Variants in TMTC1 observed in about 807,000 individuals in gnomAD.
The protein encoded by TMTC1 is transmembrane O-mannosyltransferase targeting cadherins 1.
A neutral mutation model predicts 104.8 loss-of-function variants in TMTC1; 73 were observed. The ratio of observed to expected loss-of-function variants is 0.70; its 90% CI spans 0.58 to 0.85. The LOEUF is 0.85. Ranked by LOEUF, TMTC1 falls within the 40% of genes least tolerant of loss-of-function variation. The probability of loss-of-function intolerance (pLI) is 0.00; values close to 1 mark genes in which losing one functional copy is unlikely to be tolerated. For missense variants in TMTC1, 1,035 were observed against 1,096.1 expected, an observed-to-expected ratio of 0.94 and a Z score of 0.79; for synonymous variants, 434 against 428.7, an observed-to-expected ratio of 1.01 and a Z score of -0.15.
chr12:29,506,173 G>T lies in TMTC1; in HGVS notation c.*673C>A, dbSNP rs183467999. On this transcript the variant is annotated 3_prime_UTR_variant, in exon 18 of 18. Transcript: ENST00000539277. ...AACACTTCCATAAAGAATTAGGGGT[G>T]CCCAGCTCCTTGATTTCCCCCTAGG... The T allele has an allele frequency of 6.6e-6, 1 of 152,140 alleles. No individual in the cohort carries two copies. Among genetic ancestry groups the T allele is most frequent in the Non-Finnish European group, 1.5e-5 (1 of 67,956 alleles). 9.4% of individuals were successfully genotyped at this position (152,140 alleles called of 1,614,324 possible).
At chr12:29,596,099 T>C (rs1009137423) in intron 7 of TMTC1, among the ~76,000 whole-genome samples, 2 of 152,080 alleles carry the variant, frequency 1.3e-5, no homozygotes, top group Non-Finnish European at 1.5e-5. Flanking sequence ...CTCCATCTCC[T>C]GGGTTCAAGC....
In TMTC1 at chr12:29,783,858, T is replaced by G. The variant is rs1355943027; in HGVS notation, c.-107A>C. On this transcript the variant is annotated 5_prime_UTR_variant, in exon 1 of 18. It removes an upstream start codon present in the reference 5' UTR. Transcript: ENST00000539277. The surrounding 1 kb of genome is among the most constrained non-coding windows in gnomAD (Gnocchi z 4.7). ...GTCTGCCCGGAGGGGGGCTCGGGCA[T>G]GGTGCTGCGGCAGCTGGACCCGCCG... is the stretch of plus-strand genomic sequence containing the variant. The G allele has an allele frequency of 5.9e-6, 6 of 1,014,350 alleles. No homozygotes were observed. The highest frequency in any genetic ancestry group is 7.1e-6 in the Non-Finnish European group (6 of 840,986). The allele number at this position is 1,014,350 out of a possible 1,614,324, so 62.8% of individuals were successfully genotyped here. A position where few individuals can be genotyped will look rare whatever the true frequency, so the allele number is the denominator to read the frequency against.
intron 9 of TMTC1, among the ~76,000 whole-genome samples, chr12:29,564,713 A>G (rs1317232229): frequency 6.6e-6 from 1 of 152,162 alleles, no homozygotes; most frequent in African/African-American, 2.4e-5. Context: ...TTTGACACTT[A>G]AAAGGTAGGA....
chr12:29,570,673 G>C (rs1180598960), intron 9 of TMTC1, among the ~76,000 whole-genome samples: 1 of 151,974 alleles, frequency 6.6e-6, no homozygotes, highest in Non-Finnish European at 1.5e-5. Flanking sequence ...GTGAAACCTG[G>C]TCTCTGCTAA....
At chr12:29,717,518 T>TA (rs1046895828) in intron 5 of TMTC1, among the ~76,000 whole-genome samples, 2 of 151,876 alleles carry the variant, frequency 1.3e-5, no homozygotes, top group Admixed American at 6.6e-5. Context: ...CCTCCTAACT[T>TA]AAAAAAAAGA....
At chr12:29,603,460 A>G (rs561373660) in intron 7 of TMTC1, among the ~76,000 whole-genome samples, 49 of 152,196 alleles carry the variant, frequency 3.2e-4, no homozygotes, top group Middle Eastern at 6.8e-3. Flanking sequence ...CTATTGTAAA[A>G]ATGAGAAAAT....
intron 8 of TMTC1, 87 bp downstream of exon 8, chr12:29,583,320 A>G (rs1946034537): frequency 2.3e-6 from 3 of 1,286,194 alleles, no homozygotes; most frequent in Non-Finnish European, 3.2e-6. Context: ...AAATACTGCC[A>G]GGCCCATGTT....
At chr12:29,601,199 T>C (rs1015229916) in intron 7 of TMTC1, among the ~76,000 whole-genome samples, 1 of 152,174 alleles carries the variant, frequency 6.6e-6, no homozygotes, top group Non-Finnish European at 1.5e-5. Flanking sequence ...AAGCCGGAGC[T>C]GGCATGATTC....
Position 29,505,292 on chromosome 12 carries a change from C to T in TMTC1, c.*1554G>A, listed in dbSNP as rs1193769672. On this transcript the variant is annotated 3_prime_UTR_variant, in exon 18 of 18. Coordinates refer to ENST00000539277, the MANE Select transcript of TMTC1 (RefSeq NM_001193451.2). The stretch of plus-strand genomic sequence containing the variant: ...GCGAATTATGTGAGCCTTTAGGCTA[C>T]TATGTCTGTGTGCTACCTGGCTCAG... 2 of 152,184 alleles carry T rather than the reference C, an allele frequency of 1.3e-5. No individual in the cohort carries two copies. The highest frequency in any genetic ancestry group is 2.9e-5 in the Non-Finnish European group (2 of 68,042). 9.4% of individuals were successfully genotyped at this position (152,184 alleles called of 1,614,324 possible). A position where few individuals can be genotyped will look rare whatever the true frequency, so the allele number is the denominator to read the frequency against.
intron 5 of TMTC1, among the ~76,000 whole-genome samples, chr12:29,712,590 A>G (rs1287499421): frequency 6.6e-6 from 1 of 152,248 alleles, no homozygotes; most frequent in African/African-American, 2.4e-5. Context: ...ATTTTAAAGA[A>G]TATTTTTGAA....
At chr12:29,710,699 A>G (rs1009545191) in intron 5 of TMTC1, among the ~76,000 whole-genome samples, 1 of 137,920 alleles carries the variant, frequency 7.3e-6, no homozygotes, top group African/African-American at 2.7e-5. Flanking sequence ...TTATATATTT[A>G]TAAATATGTA....
chr12:29,736,698 G>T (rs946680456), intron 5 of TMTC1, among the ~76,000 whole-genome samples: 1 of 152,162 alleles, frequency 6.6e-6, no homozygotes, highest in Non-Finnish European at 1.5e-5. Flanking sequence ...GATTACAGGC[G>T]TAAGCCACCA....
intron 5 of TMTC1, among the ~76,000 whole-genome samples, chr12:29,719,468 T>C (rs1942175255): frequency 6.6e-6 from 1 of 152,228 alleles, no homozygotes; most frequent in African/African-American, 2.4e-5. Context: ...TAAAACCTTA[T>C]GCTGGCTGGT....
chr12:29,672,914 T>G (rs955454204), intron 5 of TMTC1, among the ~76,000 whole-genome samples: 2 of 152,180 alleles, frequency 1.3e-5, no homozygotes, highest in Non-Finnish European at 2.9e-5. Flanking sequence ...AAACTTTTCC[T>G]GGTTCAAACA....
rs769888444 is a variant in TMTC1, at chr12:29,760,559, C to T, written c.481-1782G>A. ...GGAAAAAATGCATTATATTGCACTACGTCTTAACTGTGGAATCAAATTAAA... is the reference window on the plus strand; with the variant it reads ...GGAAAAAATGCATTATATTGCACTATGTCTTAACTGTGGAATCAAATTAAA... On this transcript the variant is annotated intron_variant, in intron 2 of 17. Transcript: ENST00000539277. 9.9e-5 allele frequency among the ~76,000 whole-genome samples: 15 copies of T among 152,224 alleles called. 1 individual carries two copies. The Middle Eastern group carries it at 0.014, about 138-fold the overall frequency.
intron 1 of TMTC1, among the ~76,000 whole-genome samples, chr12:29,774,270 GC>G (rs1254008074): frequency 6.6e-6 from 1 of 152,006 alleles, no homozygotes; most frequent in Non-Finnish European, 1.5e-5. Flanking sequence ...CTAAACTAGG[GC>G]CCAGAGATCG....
rs559865985 is a variant in TMTC1, at chr12:29,610,640, C to G, written c.1129-6341G>C. On this transcript the variant is annotated intron_variant, in intron 6 of 17. Coordinates refer to ENST00000539277, the MANE Select transcript of TMTC1 (RefSeq NM_001193451.2). ...AGAGCCTGTTACAGCTGCCACACAC[C>G]TTGGTGAAAGGGACCCTGATTCCGG... 2.0e-5 allele frequency among the ~76,000 whole-genome samples: 3 copies of G among 152,292 alleles called. No individual in the cohort carries two copies. The South Asian group carries it at 6.2e-4, about 32-fold the overall frequency.
chr12:29,675,678 G>A (rs982188719), intron 5 of TMTC1, among the ~76,000 whole-genome samples: 5 of 151,504 alleles, frequency 3.3e-5, no homozygotes, highest in Admixed American at 1.3e-4. Context: ...AATCAAAAAC[G>A]AGTGTTTCTC....
chr12:29,749,893 A>G (rs945335077), intron 5 of TMTC1, among the ~76,000 whole-genome samples: 3 of 151,678 alleles, frequency 2.0e-5, no homozygotes, highest in Admixed American at 1.3e-4. Flanking sequence ...AATCCACCTC[A>G]TCTCTTCATT....
Sources: allele counts gnomAD v4.1 joint callset (sites outside exome capture counted in the v4.1 genomes callset), GRCh38; gene constraint gnomAD v4.1.1; non-coding constraint Gnocchi (gnomAD v3.1); transcripts MANE v1.5; gene names NCBI Gene and HGNC (gene_info 2026-07-23, HGNC 2026-07-21).